EP400: variants seen among roughly 807,000 people sequenced by gnomAD.
EP400 encodes E1A-binding protein p400.
A neutral mutation model predicts 354.1 loss-of-function variants in EP400; 105 were observed. The ratio of observed to expected loss-of-function variants is 0.30; its 90% CI spans 0.25 to 0.35. EP400 has a LOEUF of 0.35. Among genes scored for constraint, EP400 ranks in the 10% least tolerant of loss-of-function variants. The pLI, the probability that EP400 is intolerant of heterozygous loss-of-function variation, is 1.00. For synonymous variants in EP400, 1,646 were observed against 1,716.9 expected, an observed-to-expected ratio of 0.96 and a Z score of 1.02; for missense variants, 3,280 against 4,121.0, an observed-to-expected ratio of 0.80 and a Z score of 5.59.
intron 2 of EP400, among the ~76,000 whole-genome samples, chr12:131,967,372 C>G (rs1892136713): frequency 6.6e-6 from 1 of 150,780 alleles, no homozygotes. Flanking sequence ...CAGAGCAAGA[C>G]TCTGACTCAA....
intron 38 of EP400, 56 bp downstream of exon 38, chr12:132,045,616 C>G: frequency 6.2e-7 from 1 of 1,606,218 alleles, no homozygotes; most frequent in Non-Finnish European, 8.5e-7. Flanking sequence ...TTCTAACGCA[C>G]GTCCGTGCAT....
chr12:132,051,677 C>T (rs1054773551), intron 41 of EP400, among the ~76,000 whole-genome samples: 3 of 152,168 alleles, frequency 2.0e-5, no homozygotes, highest in African/African-American at 7.2e-5. Context: ...AACATGAAGG[C>T]AGACTAGGAG....
rs746879418 is a variant in EP400, at chr12:132,045,749, T to C, written c.7049T>C (p.Leu2350Pro). The stretch of plus-strand genomic sequence containing the variant: ...TAGGCTGTAAAGCAGTTACTGGAGC[T>C]GCCTTTGAACCTCACAATCGTGTCA... ...LLQAVKQLLE[L>P]PLNLTIVSPA... is the part of the protein sequence containing the mutation. Residue 2350 changes from leucine (L) to proline (P), a missense_variant, in exon 39 of 53, where the codon CTG becomes CCG. Leu to Pro is a moderately conservative substitution (Grantham distance 98). This residue lies in a region of EP400 where 84 missense variants were observed against 133.0 expected (regional missense o/e 0.63). Coordinates refer to ENST00000389561, the MANE Select transcript of EP400 (RefSeq NM_015409.5). 1 of 1,614,274 alleles carries C rather than the reference T, an allele frequency of 6.2e-7. No individual in the cohort carries two copies. The highest frequency in any genetic ancestry group is 8.5e-7 in the Non-Finnish European group (1 of 1,180,052).
intron 30 of EP400, among the ~76,000 whole-genome samples, chr12:132,032,791 C>T (rs557307275): frequency 4.6e-5 from 7 of 151,994 alleles, no homozygotes; most frequent in Admixed American, 1.3e-4. Context: ...CCACCACGAC[C>T]GGCTAGTTTT....
In EP400 at chr12:132,080,334, TAGAA is replaced by T. The variant is rs1251042907; in HGVS notation, c.*2664_*2667del. 2.6e-5 allele frequency: 4 copies of T among 152,612 alleles called. No individual in the cohort carries two copies. The highest frequency in any genetic ancestry group is 4.4e-5 in the Non-Finnish European group (3 of 68,032). The allele number at this position is 152,612 out of a possible 1,614,324, so 9.5% of individuals were successfully genotyped here. On this transcript the variant is annotated 3_prime_UTR_variant, in exon 53 of 53. Coordinates refer to ENST00000389561, the MANE Select transcript of EP400 (RefSeq NM_015409.5). The stretch of plus-strand genomic sequence containing the variant: ...ACCAGTTAGCTGTTGTGTTTTAAGA[TAGAA>T]AGGAACAAGACTAAAATTGTAAATA...
intron 19 of EP400, among the ~76,000 whole-genome samples, chr12:132,016,069 T>C (rs539040924): frequency 7.2e-5 from 11 of 152,368 alleles, no homozygotes; most frequent in African/African-American, 2.2e-4. Context: ...CCAGTTCATA[T>C]GGGCTTTAAG....
intron 2 of EP400, among the ~76,000 whole-genome samples, chr12:131,962,340 G>A (rs908616374): frequency 6.6e-5 from 10 of 152,192 alleles, no homozygotes; most frequent in East Asian, 1.9e-4. Flanking sequence ...CCAGCCAAAC[G>A]TGTGAAAGCC....
chr12:132,040,167 G>A (rs1894849952), intron 32 of EP400, among the ~76,000 whole-genome samples: 1 of 152,160 alleles, frequency 6.6e-6, no homozygotes, highest in Admixed American at 6.5e-5. Context: ...ACCACAGGAG[G>A]TACCAACTGG....
intron 16 of EP400, 114 bp downstream of exon 16, chr12:132,011,748 T>C (rs1893773809): frequency 2.3e-6 from 3 of 1,290,104 alleles, no homozygotes; most frequent in Non-Finnish European, 3.1e-6. Context: ...TAAAGATCAC[T>C]CATTCATGAG....
chr12:132,006,099 A>T lies in EP400; in HGVS notation c.2936-13A>T, dbSNP rs772952681. Reference sequence around the variant, plus strand: ...TCAGTGGCCCTCACTTCTCTGTTTTATTGTCGTTACAGATGCAGATGACTG... The same window carrying T: ...TCAGTGGCCCTCACTTCTCTGTTTTTTTGTCGTTACAGATGCAGATGACTG... On this transcript the variant is annotated splice_polypyrimidine_tract_variant and intron_variant, in intron 13 of 52. Coordinates refer to ENST00000389561, the MANE Select transcript of EP400 (RefSeq NM_015409.5). 6.2e-7 allele frequency: 1 copy of T among 1,609,168 alleles called. No homozygotes were observed. The highest frequency in any genetic ancestry group is 2.2e-5 in the East Asian group (1 of 44,744).
In EP400 at chr12:132,029,743, C is replaced by G. The variant is rs58319354; in HGVS notation, c.5424C>G (p.Ser1808=). ...VIPPVVAAPP[S]LRVPRPPPLY... ...CTCCGGTGGTGGCAGCACCCCCGTC[C>G]CTACGGGTGCCGCGGCCGCCACCCC... Residue 1808 remains serine, a synonymous_variant, in exon 28 of 53, where the codon TCC becomes TCG. Transcript: ENST00000389561. The surrounding 1 kb of genome is among the most constrained non-coding windows in gnomAD (Gnocchi z 4.7). 0.049 allele frequency: 79,030 copies of G among 1,613,212 alleles called. 5,498 individuals are homozygous for G. Among genetic ancestry groups the G allele is most frequent in the African/African-American group, 0.32 (23,923 of 75,010 alleles).
intron 5 of EP400, among the ~76,000 whole-genome samples, chr12:131,983,667 T>G (rs1401693123): frequency 6.6e-6 from 1 of 152,168 alleles, no homozygotes; most frequent in Non-Finnish European, 1.5e-5. Flanking sequence ...CTAGGTGGGC[T>G]TTAAGTTCAG....
chr12:132,069,174 C>A, intron 50 of EP400: 1 of 327,198 alleles, frequency 3.1e-6, no homozygotes, highest in Non-Finnish European at 5.6e-6. Flanking sequence ...AGTAGCAGCC[C>A]CGTGCAGGTG....
rs1265003245 is a variant in EP400 at position 132,077,990 on chromosome 12, A to G, written c.*317A>G. ...TAGTACTGTGTTCTGAAAGCCATTT[A>G]GAATTTCTTTGTGAGCATGTAGTGC... On this transcript the variant is annotated 3_prime_UTR_variant, in exon 53 of 53. Transcript: ENST00000389561. The G allele has an allele frequency of 3.1e-6, 1 of 321,740 alleles. No homozygotes were observed. The allele number at this position is 321,740 out of a possible 1,614,324, so 19.9% of individuals were successfully genotyped here.
At chr12:131,969,124 AC>A (rs1892205086) in intron 2 of EP400, among the ~76,000 whole-genome samples, 1 of 151,552 alleles carries the variant, frequency 6.6e-6, no homozygotes, top group African/African-American at 2.4e-5. Context: ...TTAGTCTTCC[AC>A]CTTTAAGTAA....
chr12:132,069,094 A>C, intron 50 of EP400: 2 of 187,004 alleles, frequency 1.1e-5, no homozygotes, highest in Non-Finnish European at 2.2e-5. Context: ...CCCGTGTACT[A>C]AATATTTTCT....
intron 32 of EP400, among the ~76,000 whole-genome samples, chr12:132,039,136 ACT>A (rs1697032646): frequency 6.6e-6 from 1 of 151,110 alleles, no homozygotes; most frequent in South Asian, 2.1e-4. Flanking sequence ...GTTCTTACCA[ACT>A]CTGGTGCTGT....
chr12:132,040,921 A>G (rs1894880207), intron 32 of EP400, among the ~76,000 whole-genome samples: 3 of 152,100 alleles, frequency 2.0e-5, no homozygotes, highest in Admixed American at 2.0e-4. Flanking sequence ...GGCAAGGGGG[A>G]TCCTGGGGAC....
chr12:132,009,966 G>T (rs971585920), intron 15 of EP400, among the ~76,000 whole-genome samples: 1 of 150,218 alleles, frequency 6.7e-6, no homozygotes, highest in Non-Finnish European at 1.5e-5. Context: ...TTACAGCTGT[G>T]AGCCACCGTG....
Sources: allele counts gnomAD v4.1 joint callset (sites outside exome capture counted in the v4.1 genomes callset), GRCh38; gene constraint gnomAD v4.1.1; regional missense constraint gnomAD v4.1.1; non-coding constraint Gnocchi (gnomAD v3.1); transcripts MANE v1.5; gene names NCBI Gene and HGNC (gene_info 2026-07-23, HGNC 2026-07-21).